Variants in SV2C observed in about 807,000 individuals in gnomAD.
SV2C encodes solute carrier family 22 member B3.
SV2C carries 49 observed loss-of-function variants against 79.7 expected under a neutral mutation model. The ratio of observed to expected loss-of-function variants is 0.61; its 90% confidence interval spans 0.49 to 0.78. The LOEUF (loss-of-function observed/expected upper bound fraction) is 0.78. Among genes scored for constraint, SV2C ranks in the 30% least tolerant of loss-of-function variants. The probability of loss-of-function intolerance (pLI) is 0.00; values close to 1 mark genes in which losing one functional copy is unlikely to be tolerated. For missense variants in SV2C, 833 were observed against 912.9 expected, an observed-to-expected ratio of 0.91 and a Z score of 1.13; for synonymous variants, 334 against 333.2, an observed-to-expected ratio of 1.00 and a Z score of -0.03.
At chr5:75,893,787 A>G in the SV2C span, among the ~76,000 whole-genome samples, 1 of 152,072 alleles carries the variant, frequency 6.6e-6, no homozygotes, top group Non-Finnish European at 1.5e-5. Flanking sequence ...GTTTTGAGCC[A>G]CCAAATGTAC....
the SV2C span, among the ~76,000 whole-genome samples, chr5:75,872,546 A>G: frequency 1.3e-5 from 2 of 152,196 alleles, no homozygotes; most frequent in African/African-American, 4.8e-5. Context: ...AGGGGAATTG[A>G]CAAACTAGAA....
the SV2C span, among the ~76,000 whole-genome samples, chr5:75,967,027 A>AT: frequency 6.2e-3 from 945 of 152,174 alleles, 10 homozygotes; most frequent in African/African-American, 0.022. Flanking sequence ...CATTACTTTG[A>AT]TTTTTTAAAA....
At chr5:76,294,237 C>T (rs1172135124) in intron 8 of SV2C, among the ~76,000 whole-genome samples, 1 of 151,850 alleles carries the variant, frequency 6.6e-6, no homozygotes, top group Non-Finnish European at 1.5e-5. Flanking sequence ...TACACACACA[C>T]ACAAAGTAAA....
intron 3 of SV2C, among the ~76,000 whole-genome samples, chr5:76,196,023 A>G (rs1744261852): frequency 6.6e-6 from 1 of 152,236 alleles, no homozygotes; most frequent in Non-Finnish European, 1.5e-5. Flanking sequence ...CAATTTTTAA[A>G]CATAAATGAA....
At chr5:75,869,050 T>G in the SV2C span, among the ~76,000 whole-genome samples, 2 of 152,136 alleles carry the variant, frequency 1.3e-5, no homozygotes, top group Admixed American at 6.5e-5. Flanking sequence ...AAAAAGTAAA[T>G]AAAGGGGACT....
the SV2C span, among the ~76,000 whole-genome samples, chr5:76,013,119 G>C: frequency 6.6e-6 from 1 of 152,104 alleles, no homozygotes; most frequent in Non-Finnish European, 1.5e-5. Context: ...GAAATGTAAC[G>C]TAGATTTTTC....
intron 4 of SV2C, among the ~76,000 whole-genome samples, chr5:76,212,946 G>T (rs1167312019): frequency 6.6e-6 from 1 of 152,078 alleles, no homozygotes; most frequent in African/African-American, 2.4e-5. Flanking sequence ...AGCTACAAGG[G>T]CTAATTAATT....
the SV2C span, among the ~76,000 whole-genome samples, chr5:75,879,457 T>C: frequency 0.59 from 89,463 of 152,122 alleles, 27,636 homozygotes; most frequent in African/African-American, 0.79. Context: ...AAAAGAGCTG[T>C]GGGCCCCATG....
intron 1 of SV2C, among the ~76,000 whole-genome samples, chr5:76,127,830 T>C (rs1271955435): frequency 6.6e-6 from 1 of 152,120 alleles, no homozygotes; most frequent in Non-Finnish European, 1.5e-5. Context: ...TGGGGAAAAA[T>C]TCCGAGGCAT....
the SV2C span, among the ~76,000 whole-genome samples, chr5:75,851,943 G>C: frequency 1.3e-5 from 2 of 152,184 alleles, no homozygotes; most frequent in African/African-American, 2.4e-5. Flanking sequence ...GATTACAGAC[G>C]TGAGCCACCG....
chr5:75,973,511 AAAGAAAAAG>A, the SV2C span, among the ~76,000 whole-genome samples: 10 of 127,950 alleles, frequency 7.8e-5, no homozygotes, highest in African/African-American at 2.7e-4. Context: ...AAAAGAAAAA[AAAGAAAAAG>A]AAAAAAAAGT....
the SV2C span, among the ~76,000 whole-genome samples, chr5:76,009,605 A>G: frequency 6.6e-6 from 1 of 152,200 alleles, no homozygotes; most frequent in Non-Finnish European, 1.5e-5. Context: ...TGTCCTTTGG[A>G]GCAACATGGA....
chr5:75,953,170 A>G, the SV2C span, among the ~76,000 whole-genome samples: 1 of 151,986 alleles, frequency 6.6e-6, no homozygotes, highest in South Asian at 2.1e-4. Context: ...AGAAAGCAAG[A>G]GTTGGGAGGG....
At chr5:76,135,378 C>T (rs1447757522) in intron 2 of SV2C, among the ~76,000 whole-genome samples, 1 of 152,096 alleles carries the variant, frequency 6.6e-6, no homozygotes, top group Admixed American at 6.6e-5. Context: ...CTGCCAATGA[C>T]CTTAATGAGG....
chr5:76,017,324 T>C, the SV2C span, among the ~76,000 whole-genome samples: 4 of 152,136 alleles, frequency 2.6e-5, no homozygotes, highest in Admixed American at 2.0e-4. Context: ...TCTTGCTCTG[T>C]CGCCCAGGCT....
intron 3 of SV2C, among the ~76,000 whole-genome samples, chr5:76,199,191 A>C (rs943588450): frequency 2.6e-5 from 4 of 152,192 alleles, no homozygotes; most frequent in African/African-American, 9.7e-5. Context: ...CAGAGAATTA[A>C]GATTCTCATC....
chr5:75,937,746 T>A, the SV2C span, among the ~76,000 whole-genome samples: 1 of 152,020 alleles, frequency 6.6e-6, no homozygotes, highest in Admixed American at 6.6e-5. Flanking sequence ...AACAAAACTG[T>A]GCCATTACTA....
chr5:75,862,758 C>T, the SV2C span, among the ~76,000 whole-genome samples: 2 of 152,216 alleles, frequency 1.3e-5, no homozygotes, highest in Admixed American at 6.5e-5. Flanking sequence ...AGACAAAAGA[C>T]ATCTTTATCC....
intron 1 of SV2C, among the ~76,000 whole-genome samples, chr5:76,102,394 G>T (rs185056433): frequency 1.3e-5 from 2 of 152,156 alleles, no homozygotes; most frequent in African/African-American, 4.8e-5. Context: ...AGTCATTCCT[G>T]GTCTTCTAAG....
Sources: gnomAD v4.1 joint callset for allele counts (sites outside exome capture counted in the v4.1 genomes callset) on GRCh38, gnomAD v4.1.1 for gene constraint, MANE v1.5 for transcripts, NCBI Gene and HGNC (gene_info 2026-07-23, HGNC 2026-07-21) for gene names.